Variants in CARMIL3 observed in about 807,000 individuals in gnomAD.
CARMIL3 encodes the protein capping protein, Arp2/3 and myosin-I linker protein 3.
Under a neutral mutation model 180.8 loss-of-function variants are expected in CARMIL3, and 88 were observed. The ratio of observed to expected loss-of-function variants is 0.49; its 90% confidence interval spans 0.41 to 0.58. CARMIL3 has a LOEUF of 0.58. CARMIL3 is among the 20% of genes least tolerant of loss of function. The pLI is 0.00. For missense variants in CARMIL3, 1,548 were observed against 1,787.0 expected (o/e 0.87, Z 2.41); for synonymous variants, 696 against 714.5 (o/e 0.97, Z 0.41).
intron 34 of CARMIL3, among the ~76,000 whole-genome samples, chr14:24,066,010 C>T (rs1416181910): frequency 2.2e-5 from 3 of 136,170 alleles, no homozygotes; most frequent in Non-Finnish European, 4.8e-5. Flanking sequence ...GTTTCCCAAA[C>T]AATGGTGACT....
Position 24,058,894 on chromosome 14 carries a change from C to G in CARMIL3, c.1479C>G (p.Phe493Leu). The change falls in exon 19 of 40, where the codon TTC becomes TTG. Residue 493 changes from phenylalanine (F) to leucine (L), a missense_variant. By Grantham distance (22) the Phe-to-Leu change is conservative. Coordinates refer to ENST00000342740, the MANE Select transcript of CARMIL3 (RefSeq NM_138360.4). The surrounding 1 kb of genome is among the most constrained non-coding windows in gnomAD (Gnocchi z 6.4). Reference protein sequence around the residue: ...VGSLDLSDNGFDSDLLTLVPA... With the variant: ...VGSLDLSDNGLDSDLLTLVPA... ...CCTCTCCCATCTGCTCACCAGGGTT[C>G]GACTCGGACCTCCTGACACTGGTGC... is the stretch of plus-strand genomic sequence containing the variant. The G allele has an allele frequency of 6.2e-7, 1 of 1,614,180 alleles. No homozygotes were observed. The highest frequency in any genetic ancestry group is 8.5e-7 in the Non-Finnish European group (1 of 1,180,026).
intron 34 of CARMIL3, 102 bp downstream of exon 34, chr14:24,065,852 G>T (rs1056767311): frequency 1.3e-6 from 2 of 1,500,052 alleles, no homozygotes; most frequent in African/African-American, 2.8e-5. Context: ...AGAGAAAGCA[G>T]ATGCTTTGGC....
chr14:24,065,117 T>TCC lies in CARMIL3; in HGVS notation c.3241_3242dup (p.Pro1082HisfsTer147). 1.4e-6 allele frequency: 1 copy of TCC among 738,806 alleles called. No homozygotes were observed. The highest frequency in any genetic ancestry group is 1.9e-6 in the Non-Finnish European group (1 of 518,814). The allele number at this position is 738,806 out of a possible 1,614,324, so 45.8% of individuals were successfully genotyped here. ...CCCCTACCACTGGACTCCTCCTCCC[T>TCC]CCACCCCCACCCCCTCCCCCGACTC... is the stretch of plus-strand genomic sequence containing the variant. On this transcript the variant is annotated frameshift_variant, in exon 33 of 40. Transcript: ENST00000342740. LOFTEE classifies it high-confidence loss of function.
chr14:24,060,187 T>C lies in CARMIL3; in HGVS notation c.1993T>C (p.Ser665Pro). ...IQWCLVRNNH[S>P]QTCPQEQAFR... ...ATGGTGCTTAGTGAGGAACAACCAC[T>C]CCCAGACGTGCCCCCAGGAGCAGGC... Residue 665 changes from serine to proline, a missense_variant, in exon 24 of 40, where the codon TCC becomes CCC. This residue lies in a region of CARMIL3 where 297 missense variants were observed against 415.9 expected (regional missense o/e 0.71). Coordinates refer to ENST00000342740, the MANE Select transcript of CARMIL3 (RefSeq NM_138360.4). The C allele has an allele frequency of 6.2e-7, 1 of 1,614,072 alleles. No individual in the cohort carries two copies. The highest frequency in any genetic ancestry group is 8.5e-7 in the Non-Finnish European group (1 of 1,180,012).
intron 10 of CARMIL3, 103 bp downstream of exon 10, chr14:24,055,892 G>A: frequency 9.1e-7 from 1 of 1,103,416 alleles, no homozygotes; most frequent in South Asian, 1.3e-5. Context: ...CTTATCCAGT[G>A]CCTCTCTCTA....
chr14:24,062,412 G>T (rs879508363), intron 27 of CARMIL3, 68 bp from the exon 28 acceptor site: 3 of 1,369,576 alleles, frequency 2.2e-6, no homozygotes, highest in Non-Finnish European at 3.1e-6. Flanking sequence ...CTGGGAGAGG[G>T]AGTGCCTCAG....
At chr14:24,055,367 G>T in intron 8 of CARMIL3, 57 bp downstream of exon 8, 2 of 1,592,012 alleles carry the variant, frequency 1.3e-6, no homozygotes, top group Non-Finnish European at 1.7e-6. Flanking sequence ...CCCAACCCCA[G>T]CCCTTCCCAG....
chr14:24,056,745 C>G (rs114670629), intron 12 of CARMIL3, 37 bp downstream of exon 12: 6 of 1,592,914 alleles, frequency 3.8e-6, no homozygotes, highest in African/African-American at 1.3e-5. Flanking sequence ...CTGACCCTAC[C>G]CTGGTGCTGC....
chr14:24,064,107 A>G (rs986344481), intron 31 of CARMIL3, 139 bp from the exon 32 acceptor site: 13 of 580,334 alleles, frequency 2.2e-5, no homozygotes, highest in Admixed American at 9.4e-5. Context: ...AAAAAAAAAA[A>G]AAAAGAAAAA....
chr14:24,063,161 TC>T lies in CARMIL3; in HGVS notation c.2749del (p.Arg917GlyfsTer55). 1 of 1,613,446 alleles carries T rather than the reference TC, an allele frequency of 6.2e-7. No individual in the cohort carries two copies. On this transcript the variant is annotated frameshift_variant, in exon 30 of 40. Transcript: ENST00000342740. LOFTEE classifies it high-confidence loss of function. ...AAAAGCAGAAACGCTGCCGCAAGAT[TC>T]GGCCGGTGTCTGCCTTCATCAGTGA... ...IKKQKRCRKI[R>X]PVSAFISGSP...
At position 24,063,521 on chromosome 14, in the gene CARMIL3, T is replaced by G. The variant is rs1419199754; in HGVS notation, c.2967T>G (p.Pro989=). Residue 989 remains proline (P), a synonymous_variant, in exon 31 of 40, where the codon CCT becomes CCG. Coordinates refer to ENST00000342740, the MANE Select transcript of CARMIL3 (RefSeq NM_138360.4). ...CCCCCAGGACCACACCTCCAGGACCTGGTCGACCCAGTGTGAGTCCCTAAG... is the reference window on the plus strand; with the variant it reads ...CCCCCAGGACCACACCTCCAGGACCGGGTCGACCCAGTGTGAGTCCCTAAG... ...PRPPRTTPPG[P]GRPSMPAPGT... 6.2e-7 allele frequency: 1 copy of G among 1,611,370 alleles called. No homozygotes were observed. The highest frequency in any genetic ancestry group is 8.5e-7 in the Non-Finnish European group (1 of 1,179,390).
In CARMIL3 at chr14:24,062,091, T is replaced by A. The variant is rs1480321401; in HGVS notation, c.2481-389T>A. On this transcript the variant is annotated intron_variant, in intron 27 of 39. Coordinates refer to ENST00000342740, the MANE Select transcript of CARMIL3 (RefSeq NM_138360.4). ...CAAACCAAAGGAAAACTAGTACACA[T>A]ACCTATGAAACAGCTAGGCCCAAGG... 1.5e-5 allele frequency: 5 copies of A among 339,682 alleles called. No homozygotes were observed. In the East Asian group the frequency reaches 2.4e-4, roughly 16 times the overall value. The allele number at this position is 339,682 out of a possible 1,614,324, so 21.0% of individuals were successfully genotyped here.
intron 32 of CARMIL3, among the ~76,000 whole-genome samples, chr14:24,064,734 G>A (rs2035767811): frequency 6.6e-6 from 1 of 152,184 alleles, no homozygotes; most frequent in African/African-American, 2.4e-5. Context: ...GAGAAGCTGA[G>A]AGGAGTTGCA....
rs956600553 is a variant in CARMIL3, at chr14:24,053,791, G to A, written c.123G>A (p.Glu41=). The change falls in exon 2 of 40, where the codon GAG becomes GAA. Residue 41 remains glutamate (E), a synonymous_variant. Coordinates refer to ENST00000342740, the MANE Select transcript of CARMIL3 (RefSeq NM_138360.4). ...VKLETKPKKF[E]DRVLALTSWR... ...TGGAGACAAAGCCCAAGAAGTTTGA[G>A]GACCGAGTGCTGGTGAGGGCACTGG... The A allele has an allele frequency of 1.9e-6, 3 of 1,612,688 alleles. No homozygotes were observed. The highest frequency in any genetic ancestry group is 1.1e-5 in the South Asian group (1 of 90,812).
intron 36 of CARMIL3, among the ~76,000 whole-genome samples, chr14:24,067,853 C>A (rs1231994887): frequency 1.3e-5 from 2 of 152,270 alleles, no homozygotes; most frequent in African/African-American, 4.8e-5. Flanking sequence ...TGTGCCAGGG[C>A]ACCCCTCCAT....
intron 12 of CARMIL3, 69 bp from the exon 13 acceptor site, chr14:24,056,846 G>A: frequency 1.3e-6 from 2 of 1,554,272 alleles, no homozygotes; most frequent in Non-Finnish European, 1.8e-6. Flanking sequence ...GGGGAGAGGG[G>A]AAGAGTTATG....
rs1185826163 is a variant in CARMIL3, at chr14:24,068,957, G to A, written c.3973G>A (p.Glu1325Lys). 1.4e-5 allele frequency: 22 copies of A among 1,558,600 alleles called. No individual in the cohort carries two copies. The highest frequency in any genetic ancestry group is 7.6e-5 in the Admixed American group (4 of 52,318). Residue 1325 changes from glutamate to lysine, a missense_variant, in exon 38 of 40, where the codon GAA becomes AAA. Coordinates refer to ENST00000342740, the MANE Select transcript of CARMIL3 (RefSeq NM_138360.4). Reference protein sequence around the residue: ...LSSQQDQEEPEVQGPPDPGRR... With the variant: ...LSSQQDQEEPKVQGPPDPGRR... ...CTCACAGCAAGACCAAGAGGAGCCC[G>A]AAGTCCAAGGTCTGCCACCCTGGCT...
chr14:24,068,739 A>T (rs201811275), intron 37 of CARMIL3, 37 bp downstream of exon 37: 1 of 1,613,712 alleles, frequency 6.2e-7, no homozygotes, highest in East Asian at 2.2e-5. Flanking sequence ...AGGCACTTTG[A>T]TGAGGCAAAG....
chr14:24,069,516 G>C lies in CARMIL3; in HGVS notation c.*112G>C. 7.1e-7 allele frequency: 1 copy of C among 1,414,950 alleles called. No homozygotes were observed. Among genetic ancestry groups the C allele is most frequent in the Non-Finnish European group, 9.8e-7 (1 of 1,023,190 alleles). 87.6% of individuals were successfully genotyped at this position (1,414,950 alleles called of 1,614,324 possible). A position where few individuals can be genotyped will look rare whatever the true frequency, so the allele number is the denominator to read the frequency against. ...GCCAGCCCCTGTCCTACAGGGGCAA[G>C]ACGGCAGGACCAGGCATGGGGGAGC... On this transcript the variant is annotated 3_prime_UTR_variant, in exon 40 of 40. Transcript: ENST00000342740.
Sources: allele counts gnomAD v4.1 joint callset (sites outside exome capture counted in the v4.1 genomes callset), GRCh38; gene constraint gnomAD v4.1.1; regional missense constraint gnomAD v4.1.1; non-coding constraint Gnocchi (gnomAD v3.1); transcripts MANE v1.5; gene names NCBI Gene and HGNC (gene_info 2026-07-23, HGNC 2026-07-21).